Variants in PRKCI observed in about 807,000 individuals in gnomAD.
The protein encoded by PRKCI is protein kinase C iota type.
A neutral mutation model predicts 84.0 loss-of-function variants in PRKCI; 43 were observed. That is an observed-to-expected ratio of 0.51 (90% confidence interval 0.40 to 0.66). The LOEUF is 0.66. Among genes scored for constraint, PRKCI ranks in the 30% least tolerant of loss-of-function variants. The probability of loss-of-function intolerance (pLI) is 0.00; values close to 1 mark genes in which losing one functional copy is unlikely to be tolerated. For synonymous variants in PRKCI, 216 were observed against 234.4 expected (o/e 0.92, Z 0.72); for missense variants, 459 against 745.6 (o/e 0.62, Z 4.48).
rs1381724986 is a variant in PRKCI, at chr3:170,222,518, CG to C, written c.-151del. 1 of 620,812 alleles carries C rather than the reference CG, an allele frequency of 1.6e-6. No homozygotes were observed. The highest frequency in any genetic ancestry group is 1.9e-5 in the African/African-American group (1 of 51,290). The allele number at this position is 620,812 out of a possible 1,614,324, so 38.5% of individuals were successfully genotyped here. A position where few individuals can be genotyped will look rare whatever the true frequency, so the allele number is the denominator to read the frequency against. On this transcript the variant is annotated 5_prime_UTR_variant, in exon 1 of 18. Transcript: ENST00000295797. ...CGCGGTTCCGGCTGCTCCGGCGAGG[CG>C]ACCCTTGGGTCGGCGCTGCGGGCGA...
rs1333489133 is a variant in PRKCI at position 170,303,921 on chromosome 3, C to T, written c.*794C>T. ...CTGAAACAGGAGAATCGCTTGAACC[C>T]AGGAGATGGAGTTGGCAGTGAGCCA... is the stretch of plus-strand genomic sequence containing the variant. On this transcript the variant is annotated 3_prime_UTR_variant, in exon 18 of 18. Transcript: ENST00000295797. The T allele has an allele frequency of 6.5e-5, 11 of 168,508 alleles. No individual in the cohort carries two copies. The highest frequency in any genetic ancestry group is 5.9e-4 in the East Asian group (5 of 8,540). The allele number at this position is 168,508 out of a possible 1,614,324, so 10.4% of individuals were successfully genotyped here. A position where few individuals can be genotyped will look rare whatever the true frequency, so the allele number is the denominator to read the frequency against.
At chr3:170,273,223 G>A in intron 6 of PRKCI, 63 bp from the exon 7 acceptor site, 1 of 1,288,170 alleles carries the variant, frequency 7.8e-7, no homozygotes, top group Non-Finnish European at 1.1e-6. Flanking sequence ...TGTTGAAATA[G>A]TGTTATTTCT....
At chr3:170,284,822 C>T (rs1734332663) in intron 12 of PRKCI, among the ~76,000 whole-genome samples, 1 of 152,124 alleles carries the variant, frequency 6.6e-6, no homozygotes, top group South Asian at 2.1e-4. Context: ...TTTTATTATA[C>T]ATAACTTTTT....
chr3:170,225,020 C>T (rs1472892495), intron 1 of PRKCI, among the ~76,000 whole-genome samples: 1 of 152,142 alleles, frequency 6.6e-6, no homozygotes, highest in Non-Finnish European at 1.5e-5. Flanking sequence ...ATTTAGATAG[C>T]AAATTATCTT....
intron 1 of PRKCI, among the ~76,000 whole-genome samples, chr3:170,229,096 C>T (rs1732716464): frequency 6.6e-6 from 1 of 152,032 alleles, no homozygotes; most frequent in Non-Finnish European, 1.5e-5. Flanking sequence ...CTAGAGATAG[C>T]CATTGTTAAC....
chr3:170,236,306 G>T (rs1178471679), intron 2 of PRKCI, among the ~76,000 whole-genome samples: 1 of 151,486 alleles, frequency 6.6e-6, no homozygotes, highest in African/African-American at 2.4e-5. Context: ...TTGCCGTGTT[G>T]CCCAGGCTGG....
intron 11 of PRKCI, among the ~76,000 whole-genome samples, chr3:170,282,763 T>G (rs1021497430): frequency 6.6e-6 from 1 of 151,740 alleles, no homozygotes; most frequent in Non-Finnish European, 1.5e-5. Flanking sequence ...TGTGATTTAT[T>G]GTTCTTTGGC....
At chr3:170,254,431 G>C (rs910673693) in intron 2 of PRKCI, among the ~76,000 whole-genome samples, 1 of 152,178 alleles carries the variant, frequency 6.6e-6, no homozygotes, top group African/African-American at 2.4e-5. Context: ...TAGTTGCATA[G>C]TTTGAGGTTT....
chr3:170,223,254 C>T (rs1030828219), intron 1 of PRKCI, among the ~76,000 whole-genome samples: 1 of 152,178 alleles, frequency 6.6e-6, no homozygotes, highest in Non-Finnish European at 1.5e-5. Context: ...ATACCTCCAT[C>T]CCCGTTGTGT....
intron 6 of PRKCI, among the ~76,000 whole-genome samples, chr3:170,270,866 G>A (rs1021000719): frequency 6.6e-6 from 1 of 151,984 alleles, no homozygotes; most frequent in African/African-American, 2.4e-5. Flanking sequence ...CCTTTAATCT[G>A]AACGTATTAG....
At position 170,259,952 on chromosome 3, in the gene PRKCI, A is replaced by T; in HGVS notation, c.224-17A>T. On this transcript the variant is annotated splice_polypyrimidine_tract_variant and intron_variant, in intron 2 of 17. Coordinates refer to ENST00000295797, the MANE Select transcript of PRKCI (RefSeq NM_002740.6). ...GGGGTTTTAAAGTGACCTTTACTTTACTTTTGTGTTTTTTAGGAGACCCGT... is the reference window on the plus strand; with the variant it reads ...GGGGTTTTAAAGTGACCTTTACTTTTCTTTTGTGTTTTTTAGGAGACCCGT... 1 of 1,556,012 alleles carries T rather than the reference A, an allele frequency of 6.4e-7. No homozygotes were observed. The highest frequency in any genetic ancestry group is 8.8e-7 in the Non-Finnish European group (1 of 1,141,020).
At chr3:170,248,256 A>G (rs928384461) in intron 2 of PRKCI, among the ~76,000 whole-genome samples, 3 of 152,210 alleles carry the variant, frequency 2.0e-5, no homozygotes, top group Admixed American at 2.0e-4. Flanking sequence ...TCTCATATAA[A>G]TAATTGGATT....
intron 1 of PRKCI, among the ~76,000 whole-genome samples, chr3:170,230,209 A>G (rs1577338157): frequency 7.0e-6 from 1 of 142,900 alleles, no homozygotes; most frequent in Non-Finnish European, 1.5e-5. Context: ...TTTGTTGCCC[A>G]GGGTAGAACC....
intron 4 of PRKCI, among the ~76,000 whole-genome samples, chr3:170,264,214 A>G (rs1002473077): frequency 9.3e-5 from 14 of 150,592 alleles, no homozygotes; most frequent in Non-Finnish European, 7.4e-5. Flanking sequence ...CACTCAGCAC[A>G]TGTAATTAGG....
At chr3:170,234,050 TGAGATGGAGTTTCGCTC>T (rs1732879042) in intron 1 of PRKCI, among the ~76,000 whole-genome samples, 1 of 145,722 alleles carries the variant, frequency 6.9e-6, no homozygotes, top group African/African-American at 2.6e-5. Context: ...TTTTTTTTTT[TGAGATGGAGTTTCGCTC>T]TTGTTGCCCA....
rs560860196 is a variant in PRKCI, at chr3:170,252,781, G to A, written c.224-7188G>A. On this transcript the variant is annotated intron_variant, in intron 2 of 17. Coordinates refer to ENST00000295797, the MANE Select transcript of PRKCI (RefSeq NM_002740.6). The stretch of plus-strand genomic sequence containing the variant: ...GTTTTTTAAAATTTTTTGTAGAGAT[G>A]GAGGTCTCACTGTGTTGCCCGGGGT... Among the ~76,000 whole-genome samples, 8 of 151,936 alleles carry A rather than the reference G, an allele frequency of 5.3e-5. 1 individual carries two copies. The South Asian group carries it at 6.3e-4, about 12-fold the overall frequency.
At chr3:170,228,785 C>G (rs1421259523) in intron 1 of PRKCI, among the ~76,000 whole-genome samples, 1 of 152,052 alleles carries the variant, frequency 6.6e-6, no homozygotes, top group African/African-American at 2.4e-5. Flanking sequence ...GCCATGAAGT[C>G]TGGTCACTTA....
In PRKCI at chr3:170,261,458, T is replaced by TA. The variant is rs200501315; in HGVS notation, c.313+1400_313+1401insA. Among the ~76,000 whole-genome samples the TA allele has an allele frequency of 5.4e-3, 720 of 134,062 alleles. 1 individual carries two copies. The highest frequency in any genetic ancestry group is 7.0e-3 in the South Asian group (33 of 4,682). The allele number at this position is 134,062 out of a possible 152,430, so 87.9% of individuals were successfully genotyped here. ...TATTTTCCTTTACAGTGTTTTTTTT[T>TA]TAAAAAAAAAAAAAAAACAGTGGTT... On this transcript the variant is annotated intron_variant, in intron 3 of 17. Coordinates refer to ENST00000295797, the MANE Select transcript of PRKCI (RefSeq NM_002740.6).
In PRKCI at chr3:170,235,321, C is replaced by G; in HGVS notation, c.193C>G (p.Leu65Val). 6.2e-7 allele frequency: 1 copy of G among 1,614,060 alleles called. No individual in the cohort carries two copies. Among genetic ancestry groups the G allele is most frequent in the South Asian group, 1.1e-5 (1 of 91,078 alleles). ...RDMCSFDNEQ[L>V]FTMKWIDEEG... Reference sequence around the variant, plus strand: ...CATGTGTTCTTTTGACAACGAACAGCTCTTCACCATGAAATGGATAGATGA... The same window carrying G: ...CATGTGTTCTTTTGACAACGAACAGGTCTTCACCATGAAATGGATAGATGA... Residue 65 changes from leucine to valine, a missense_variant, in exon 2 of 18, where the codon CTC (leucine) becomes GTC (valine). Coordinates refer to ENST00000295797, the MANE Select transcript of PRKCI (RefSeq NM_002740.6).
Sources: gnomAD v4.1 joint callset for allele counts (sites outside exome capture counted in the v4.1 genomes callset) on GRCh38, gnomAD v4.1.1 for gene constraint, MANE v1.5 for transcripts, NCBI Gene and HGNC (gene_info 2026-07-23, HGNC 2026-07-21) for gene names.